The following CP variants were observed in gnomAD, a reference collection of about 807,000 sequenced individuals.
CP encodes caeruloplasmin.
A neutral mutation model predicts 122.4 loss-of-function variants in CP; 64 were observed. The ratio of observed to expected loss-of-function variants is 0.52; its 90% CI spans 0.43 to 0.64. The LOEUF (loss-of-function observed/expected upper bound fraction) is 0.64. CP is among the 30% of genes least tolerant of loss of function. The pLI is 0.00. For synonymous variants in CP, 440 were observed against 436.4 expected (o/e 1.01, Z -0.10); for missense variants, 1,167 against 1,284.4 (o/e 0.91, Z 1.40).
Position 149,206,252 on chromosome 3 carries a change from T to A in CP, c.1124A>T (p.Tyr375Phe), listed in dbSNP as rs766478962. The A allele has an allele frequency of 6.2e-7, 1 of 1,614,048 alleles. No homozygotes were observed. The highest frequency in any genetic ancestry group is 8.5e-7 in the Non-Finnish European group (1 of 1,179,900). ...CCAGATGATTTCCTCAGCGGCAATGTAGTAGTGTCTAACATGCTTCCCACG... is the reference window on the plus strand; with the variant it reads ...CCAGATGATTTCCTCAGCGGCAATGAAGTAGTGTCTAACATGCTTCCCACG... ...NIRGKHVRHYYIAAEEIIWNY... is the reference protein window; with the variant it reads ...NIRGKHVRHYFIAAEEIIWNY... Residue 375 changes from tyrosine (Y) to phenylalanine (F), a missense_variant, in exon 6 of 19, where the codon TAC becomes TTC. By Grantham distance (22) the Tyr-to-Phe change is conservative. Coordinates refer to ENST00000264613, the MANE Select transcript of CP (RefSeq NM_000096.4).
intron 13 of CP, among the ~76,000 whole-genome samples, chr3:149,182,880 G>T (rs1488270270): frequency 6.6e-6 from 1 of 152,146 alleles, no homozygotes; most frequent in Non-Finnish European, 1.5e-5. Context: ...GCCAGGTGTA[G>T]TGCCTCACGC....
intron 14 of CP, among the ~76,000 whole-genome samples, chr3:149,181,302 CTAGAATCAAT>C (rs1559937292): frequency 1.3e-5 from 2 of 152,222 alleles, no homozygotes; most frequent in East Asian, 3.9e-4. Context: ...TCTTCGGGGC[CTAGAATCAAT>C]TCGTGCACAA....
intron 1 of CP, among the ~76,000 whole-genome samples, chr3:149,216,900 CT>C (rs201368226): frequency 0.014 from 1,794 of 129,574 alleles, 16 homozygotes; most frequent in African/African-American, 0.034. Context: ...CTATTGCTTG[CT>C]TTTTTTTTTT....
chr3:149,182,256 A>G, intron 13 of CP, 123 bp from the exon 14 acceptor site: 1 of 1,072,264 alleles, frequency 9.3e-7, no homozygotes, highest in Non-Finnish European at 1.4e-6. Flanking sequence ...TCTTGGATTT[A>G]TACTGCGTCC....
chr3:149,162,600 C>A, exon 6 of CP: 2 of 1,327,714 alleles, frequency 1.5e-6, no homozygotes, highest in Non-Finnish European at 2.2e-6. Context: ...GATTGCGTGG[C>A]CCATGTGATG....
chr3:149,193,902 A>G (rs1427057818), intron 9 of CP, among the ~76,000 whole-genome samples: 1 of 152,278 alleles, frequency 6.6e-6, no homozygotes, highest in African/African-American at 2.4e-5. Context: ...TGAGAAAGCC[A>G]GGATGAGGAC....
At chr3:149,198,657 G>T in intron 8 of CP, 79 bp from the exon 9 acceptor site, 1 of 1,191,076 alleles carries the variant, frequency 8.4e-7, no homozygotes, top group Admixed American at 1.9e-5. Flanking sequence ...ACTAAGTTTA[G>T]TCTAGAATAG....
chr3:149,213,165 A>T (rs534812757), intron 1 of CP, among the ~76,000 whole-genome samples: 107 of 152,248 alleles, frequency 7.0e-4, no homozygotes, highest in Non-Finnish European at 1.3e-3. Flanking sequence ...ATATTTATAT[A>T]TTTTTTTCCT....
chr3:149,196,495 TTTTGGG>T (rs1726905942), intron 9 of CP, among the ~76,000 whole-genome samples: 1 of 152,148 alleles, frequency 6.6e-6, no homozygotes, highest in East Asian at 1.9e-4. Context: ...AAAAACAGGC[TTTTGGG>T]AACAAATGGT....
At chr3:149,167,853 A>G (rs762236398), downstream of CP, 1 of 1,134,006 alleles carries the variant, frequency 8.8e-7, no homozygotes, top group Non-Finnish European at 1.3e-6. Flanking sequence ...TGAGAATAAA[A>G]TGCATCAAAC....
At chr3:149,189,903 G>T (rs980438290) in intron 9 of CP, among the ~76,000 whole-genome samples, 3 of 152,110 alleles carry the variant, frequency 2.0e-5, no homozygotes, top group Admixed American at 6.5e-5. Context: ...AGATCGAAGA[G>T]AAAATAAAAA....
chr3:149,179,467 A>C (rs1725639923), intron 15 of CP, 89 bp downstream of exon 15: 2 of 986,270 alleles, frequency 2.0e-6, no homozygotes, highest in Admixed American at 3.7e-5. Flanking sequence ...TTAACGTAGA[A>C]TTGGACCACA....
intron 9 of CP, among the ~76,000 whole-genome samples, chr3:149,192,877 A>T (rs1162593558): frequency 6.6e-6 from 1 of 152,096 alleles, no homozygotes; most frequent in Non-Finnish European, 1.5e-5. Flanking sequence ...ACTAAGTATT[A>T]GTAAAACGGC....
intron 4 of CP, among the ~76,000 whole-genome samples, chr3:149,208,713 A>G (rs1300062880): frequency 1.3e-5 from 2 of 152,206 alleles, no homozygotes; most frequent in Non-Finnish European, 2.9e-5. Flanking sequence ...TAAAAAAAGC[A>G]TTTCTAGAAA....
intron 1 of CP, among the ~76,000 whole-genome samples, chr3:149,214,433 C>A (rs1478340732): frequency 6.6e-6 from 1 of 152,104 alleles, no homozygotes; most frequent in Admixed American, 6.6e-5. Flanking sequence ...TACCAATTTT[C>A]CTGAATTGTA....
rs368964293 is a variant in CP, at chr3:149,173,767, T to C, written c.3182-37A>G. The C allele has an allele frequency of 2.2e-5, 24 of 1,086,002 alleles. No individual in the cohort carries two copies. In the African/African-American group the frequency reaches 3.5e-4, roughly 16 times the overall value. 67.3% of individuals were successfully genotyped at this position (1,086,002 alleles called of 1,614,324 possible). On this transcript the variant is annotated intron_variant, in intron 18 of 18. Transcript: ENST00000264613. ...GAAATTTTAAGACCATTATTAAAAA[T>C]AATATATGGTTAGAAATTAGTAGAT...
intron 8 of CP, 110 bp downstream of exon 8, chr3:149,199,602 G>A: frequency 8.0e-7 from 1 of 1,254,034 alleles, no homozygotes; most frequent in Non-Finnish European, 1.2e-6. Context: ...AATGATATAT[G>A]AGCGGTTTCC....
rs745941940 is a variant in CP at position 149,186,622 on chromosome 3, A to G, written c.1975T>C (p.Tyr659His). Reference protein sequence around the residue: ...AGNEADVHGIYFSGNTYLWRG... With the variant: ...AGNEADVHGIHFSGNTYLWRG... ...CACAGATATGTGTTTCCTGAAAAGT[A>G]TATTCCATGTACATCGGCCTCATTT... The change falls in exon 11 of 19, where the codon TAC (tyrosine) becomes CAC (histidine). Residue 659 changes from tyrosine (Y) to histidine (H), a missense_variant. Around this residue, in one of 2 missense-constraint regions of CP, gnomAD observed 525 missense variants for 657.2 expected, o/e 0.80. Coordinates refer to ENST00000264613, the MANE Select transcript of CP (RefSeq NM_000096.4). 1.4e-5 allele frequency: 22 copies of G among 1,614,088 alleles called. No homozygotes were observed. The highest frequency in any genetic ancestry group is 1.9e-5 in the Non-Finnish European group (22 of 1,180,038).
chr3:149,166,777 T>TCCACA (rs1215834858), intron 4 of CP, among the ~76,000 whole-genome samples: 5 of 152,192 alleles, frequency 3.3e-5, no homozygotes, highest in Admixed American at 6.5e-5. Flanking sequence ...TAATTTGCAG[T>TCCACA]CCACACAAAG....
Sources: allele counts gnomAD v4.1 joint callset (sites outside exome capture counted in the v4.1 genomes callset), GRCh38; gene constraint gnomAD v4.1.1; regional missense constraint gnomAD v4.1.1; transcripts MANE v1.5; gene names NCBI Gene and HGNC (gene_info 2026-07-23, HGNC 2026-07-21).